The following DISC1 variants were observed in gnomAD, a reference collection of about 807,000 sequenced individuals.
DISC1 encodes DISC1 scaffold protein, also known as disrupted in schizophrenia 1 protein.
DISC1 carries 57 observed loss-of-function variants against 84.5 expected under a neutral mutation model. The observed-to-expected ratio is 0.67, with a 90% confidence interval of 0.55 to 0.84. DISC1 has a LOEUF of 0.84. DISC1 is among the 40% of genes least tolerant of loss of function. The pLI, the probability that DISC1 is intolerant of heterozygous loss-of-function variation, is 0.00. For synonymous variants in DISC1, 411 were observed against 415.2 expected, an observed-to-expected ratio of 0.99 and a Z score of 0.12; for missense variants, 1,000 against 1,057.8, an observed-to-expected ratio of 0.95 and a Z score of 0.76.
Position 231,847,452 on chromosome 1 carries a change from G to T in DISC1, c.1981+28935G>T, listed in dbSNP as rs367761962. ...TTCCATACCTCATTTTATAAGAAGAGAATTTAAAATCAGATCCTTGCCTAG... is the reference window on the plus strand; with the variant it reads ...TTCCATACCTCATTTTATAAGAAGATAATTTAAAATCAGATCCTTGCCTAG... On this transcript the variant is annotated intron_variant, in intron 9 of 12. Transcript: ENST00000439617. Among the ~76,000 whole-genome samples the T allele has an allele frequency of 5.3e-5, 8 of 152,258 alleles. No individual in the cohort carries two copies. In the East Asian group the frequency reaches 1.2e-3, roughly 22 times the overall value.
Position 231,965,867 on chromosome 1 carries a change from A to G in DISC1, c.2042+6979A>G, listed in dbSNP as rs188047277. On this transcript the variant is annotated intron_variant, in intron 10 of 12. Transcript: ENST00000439617. ...TTTCTGGCCTCCTGCTATTTCCTGC[A>G]TGGTACCCATAGTGGTAGCCATGTA... 4.7e-3 allele frequency among the ~76,000 whole-genome samples: 711 copies of G among 152,352 alleles called. 4 individuals carry two copies. The highest frequency in any genetic ancestry group is 6.8e-3 in the Middle Eastern group (2 of 294).
intron 10 of DISC1, among the ~76,000 whole-genome samples, chr1:231,960,638 A>G (rs906127719): frequency 2.6e-5 from 4 of 152,230 alleles, no homozygotes; most frequent in Non-Finnish European, 4.4e-5. Context: ...ACACAATGCA[A>G]TAATCAACAC....
At position 231,961,408 on chromosome 1, in the gene DISC1, CA is replaced by C. The variant is rs556733787; in HGVS notation, c.2042+2521del. On this transcript the variant is annotated intron_variant, in intron 10 of 12. Transcript: ENST00000439617. ...ATAAGTTCAACTTTTATTTTAGATTCAGGGGGTATATGTATAGGTTTGTTAT... is the reference window on the plus strand; with the variant it reads ...ATAAGTTCAACTTTTATTTTAGATTCGGGGGTATATGTATAGGTTTGTTAT... 1.4e-4 allele frequency among the ~76,000 whole-genome samples: 21 copies of C among 152,126 alleles called. No individual in the cohort carries two copies. In the South Asian group the frequency reaches 2.3e-3, roughly 17 times the overall value.
At chr1:231,903,139 G>C (rs1459758453) in intron 9 of DISC1, among the ~76,000 whole-genome samples, 4 of 149,262 alleles carry the variant, frequency 2.7e-5, no homozygotes, top group Non-Finnish European at 4.4e-5. Context: ...ATAGCTCACT[G>C]TAGCCTCAAA....
intron 5 of DISC1, among the ~76,000 whole-genome samples, chr1:231,768,912 C>T (rs1190673429): frequency 6.6e-6 from 1 of 152,146 alleles, no homozygotes; most frequent in Non-Finnish European, 1.5e-5. Flanking sequence ...GCAGAAATTT[C>T]TGCAAGAGGA....
At chr1:231,720,400 A>C (rs1007357625) in intron 3 of DISC1, among the ~76,000 whole-genome samples, 3 of 151,996 alleles carry the variant, frequency 2.0e-5, no homozygotes, top group African/African-American at 7.3e-5. Flanking sequence ...GTGCAGTGGC[A>C]TGATCATAGC....
At chr1:231,661,569 C>T (rs144682682) in intron 1 of DISC1, among the ~76,000 whole-genome samples, 155 of 152,282 alleles carry the variant, frequency 1.0e-3, no homozygotes, top group African/African-American at 3.4e-3. Context: ...GTGAGGTTCT[C>T]GTGTTGTGTG....
chr1:231,964,504 T>C (rs187193859), intron 10 of DISC1, among the ~76,000 whole-genome samples: 1 of 152,292 alleles, frequency 6.6e-6, no homozygotes, highest in East Asian at 1.9e-4. Context: ...TGTGAACTGG[T>C]ATGGTGTAAA....
At chr1:231,774,893 A>G (rs1328380557) in intron 6 of DISC1, 2 of 377,272 alleles carry the variant, frequency 5.3e-6, no homozygotes, top group East Asian at 7.4e-5. Context: ...GCTATGAAGT[A>G]TTGGTTGTCT....
intron 9 of DISC1, among the ~76,000 whole-genome samples, chr1:231,830,030 G>GT (rs1172245482): frequency 1.3e-5 from 2 of 152,184 alleles, no homozygotes; most frequent in Non-Finnish European, 2.9e-5. Context: ...ATCTGGATGT[G>GT]TACGTGCAGG....
At chr1:231,692,626 C>T (rs1538975) in intron 1 of DISC1, among the ~76,000 whole-genome samples, 41,935 of 152,126 alleles carry the variant, frequency 0.28, 6,038 homozygotes, top group Admixed American at 0.32. Flanking sequence ...TTCCATTTCT[C>T]GCCATAGGCC....
At chr1:232,023,969 T>C (rs946285474) in intron 11 of DISC1, among the ~76,000 whole-genome samples, 3 of 151,974 alleles carry the variant, frequency 2.0e-5, no homozygotes, top group Non-Finnish European at 2.9e-5. Flanking sequence ...CTGTGTAATC[T>C]CCTACCCTCA....
chr1:232,011,249 G>A (rs893906677), intron 11 of DISC1, among the ~76,000 whole-genome samples: 2 of 152,158 alleles, frequency 1.3e-5, no homozygotes, highest in African/African-American at 4.8e-5. Context: ...TTGGGGTCAA[G>A]GATGAAAAAA....
intron 3 of DISC1, among the ~76,000 whole-genome samples, chr1:231,716,576 T>C (rs1177338902): frequency 6.6e-6 from 1 of 152,046 alleles, no homozygotes; most frequent in East Asian, 1.9e-4. Context: ...AATCCTGCTT[T>C]TAAGAGTGGA....
intron 10 of DISC1, among the ~76,000 whole-genome samples, chr1:231,992,765 A>G (rs1012761505): frequency 6.6e-6 from 1 of 152,206 alleles, no homozygotes; most frequent in African/African-American, 2.4e-5. Context: ...CTTTACTAGA[A>G]TGGATATTTT....
At chr1:231,802,116 GTC>G (rs1261572292) in intron 8 of DISC1, among the ~76,000 whole-genome samples, 1 of 151,996 alleles carries the variant, frequency 6.6e-6, no homozygotes, top group Non-Finnish European at 1.5e-5. Context: ...GGGGTCTTTT[GTC>G]TCTCTTCAAG....
At chr1:231,753,814 C>T (rs923350942) in intron 4 of DISC1, among the ~76,000 whole-genome samples, 2 of 152,162 alleles carry the variant, frequency 1.3e-5, no homozygotes, top group African/African-American at 4.8e-5. Context: ...TTAGAAGCAG[C>T]CAGGCCACAT....
intron 10 of DISC1, among the ~76,000 whole-genome samples, chr1:231,994,861 A>G (rs904850602): frequency 1.3e-5 from 2 of 152,210 alleles, no homozygotes; most frequent in Non-Finnish European, 2.9e-5. Context: ...CTTCTAACTA[A>G]CAATCCAGGG....
chr1:231,712,174 T>A (rs1005178117), intron 3 of DISC1, among the ~76,000 whole-genome samples: 2 of 152,136 alleles, frequency 1.3e-5, no homozygotes, highest in African/African-American at 4.8e-5. Context: ...CCCAAGAATG[T>A]TGGGAGGGAA....
Sources: allele counts gnomAD v4.1 joint callset (sites outside exome capture counted in the v4.1 genomes callset), GRCh38; gene constraint gnomAD v4.1.1; transcripts MANE v1.5; gene names NCBI Gene and HGNC (gene_info 2026-07-23, HGNC 2026-07-21).